Variants in SLC12A7 observed in about 807,000 individuals in gnomAD.
SLC12A7 encodes the protein K-Cl cotransporter 4.
A neutral mutation model predicts 120.6 loss-of-function variants in SLC12A7; 100 were observed. That is an observed-to-expected ratio of 0.83 (90% CI 0.71 to 0.98). SLC12A7 has a LOEUF of 0.98. Ranked by LOEUF, SLC12A7 falls within the 50% of genes least tolerant of loss-of-function variation. The pLI, the probability that SLC12A7 is intolerant of heterozygous loss-of-function variation, is 0.00. For missense variants in SLC12A7, 1,373 were observed against 1,548.1 expected (o/e 0.89, Z 1.90); for synonymous variants, 760 against 678.0 (o/e 1.12, Z -1.88).
At chr5:1,078,808 GTAC>G in intron 10 of SLC12A7, 50 bp from the exon 11 acceptor site, 1 of 779,666 alleles carries the variant, frequency 1.3e-6, no homozygotes, top group Non-Finnish European at 2.2e-6. Context: ...GGGTCCTCAG[GTAC>G]GGGGGGTGGG....
At chr5:1,107,278 C>T (rs1422482240) in intron 1 of SLC12A7, among the ~76,000 whole-genome samples, 1 of 152,366 alleles carries the variant, frequency 6.6e-6, no homozygotes, top group African/African-American at 2.4e-5. Context: ...ATAAACCTCT[C>T]AAGTGATTGA....
chr5:1,077,125 C>T (rs987202592), intron 12 of SLC12A7, among the ~76,000 whole-genome samples: 3 of 149,816 alleles, frequency 2.0e-5, no homozygotes, highest in African/African-American at 7.4e-5. Context: ...TCGCGGTTCC[C>T]CAGACCCTGT....
intron 20 of SLC12A7, chr5:1,063,101 G>T: frequency 6.6e-6 from 1 of 152,566 alleles, no homozygotes; most frequent in Non-Finnish European, 1.5e-5. Flanking sequence ...CATGCTTGGG[G>T]GCCGGGGGCA....
chr5:1,063,952 A>T lies in SLC12A7; in HGVS notation c.2631T>A (p.Arg877=), dbSNP rs371776351. 4 of 1,612,444 alleles carry T rather than the reference A, an allele frequency of 2.5e-6. No individual in the cohort carries two copies. The highest frequency in any genetic ancestry group is 1.6e-4 in the Middle Eastern group (1 of 6,082). The change falls in exon 20 of 24, where the codon CGT becomes CGA. Residue 877 remains arginine (R), a synonymous_variant. Transcript: ENST00000264930. ...CGTCCACCTGGGCCACGGTGAAGAT[A>T]CGCATCCGGCACTTCCTCCACACCT... ...QHKVWRKCRM[R]IFTVAQVDDN... is the part of the protein sequence containing the mutation.
chr5:1,103,710 C>G (rs1742227060), intron 1 of SLC12A7, among the ~76,000 whole-genome samples: 1 of 152,262 alleles, frequency 6.6e-6, no homozygotes, highest in African/African-American at 2.4e-5. Context: ...CCAGGGGCTA[C>G]AGCCCCCAGA....
chr5:1,135,731 G>T, the SLC12A7 span, among the ~76,000 whole-genome samples: 3 of 152,246 alleles, frequency 2.0e-5, no homozygotes, highest in Admixed American at 6.5e-5. Context: ...CCCATTCAGG[G>T]TTTACTGAAG....
intron 15 of SLC12A7, 34 bp from the exon 16 acceptor site, chr5:1,074,705 C>T (rs375067797): frequency 2.4e-5 from 38 of 1,595,716 alleles, no homozygotes; most frequent in Non-Finnish European, 3.0e-5. Flanking sequence ...TGTCCAGCCG[C>T]GTACCTGGAG....
upstream of SLC12A7, among the ~76,000 whole-genome samples, chr5:1,116,244 T>C (rs570234446): frequency 1.3e-5 from 2 of 152,298 alleles, no homozygotes; most frequent in South Asian, 4.1e-4. Context: ...AATGCCAGGC[T>C]CTTCCCAGGC....
intron 1 of SLC12A7, 48 bp downstream of exon 1, chr5:1,111,820 G>A (rs1743032924): frequency 1.7e-6 from 2 of 1,193,656 alleles, no homozygotes; most frequent in Non-Finnish European, 1.0e-6. Context: ...GCCCAGACCC[G>A]CGCTCGGGGC....
At chr5:1,089,432 CAA>C (rs766312494) in intron 3 of SLC12A7, among the ~76,000 whole-genome samples, 50 of 152,256 alleles carry the variant, frequency 3.3e-4, no homozygotes, top group Non-Finnish European at 5.3e-4. Context: ...ATGGAAAAAA[CAA>C]GAGGGAGAAC....
intron 8 of SLC12A7, among the ~76,000 whole-genome samples, chr5:1,082,366 C>T (rs1739267008): frequency 7.2e-6 from 1 of 139,578 alleles, no homozygotes; most frequent in South Asian, 2.3e-4. Context: ...AAAGTCCAGG[C>T]TTCCCGTCTC....
the SLC12A7 span, among the ~76,000 whole-genome samples, chr5:1,128,194 C>T: frequency 6.6e-6 from 1 of 152,216 alleles, no homozygotes; most frequent in African/African-American, 2.4e-5. Context: ...TTCCCCTGCA[C>T]CTGTGGTCTC....
At chr5:1,088,787 G>C (rs544571345) in intron 4 of SLC12A7, among the ~76,000 whole-genome samples, 195 bp downstream of exon 4, 1 of 152,214 alleles carries the variant, frequency 6.6e-6, no homozygotes, top group East Asian at 1.9e-4. Context: ...TCTCATCCCC[G>C]CAGCTGCCCG....
chr5:1,068,296 G>A (rs944711186), intron 17 of SLC12A7, among the ~76,000 whole-genome samples: 21 of 152,184 alleles, frequency 1.4e-4, no homozygotes, highest in East Asian at 1.3e-3. Context: ...TGAGCCGGGC[G>A]TGGTGGTGGG....
Position 1,051,547 on chromosome 5 carries a change from AAAG to A in SLC12A7, c.*810_*812del, listed in dbSNP as rs1259398441. On this transcript the variant is annotated 3_prime_UTR_variant, in exon 24 of 24. Coordinates refer to ENST00000264930, the MANE Select transcript of SLC12A7 (RefSeq NM_006598.3). ...GGCTGGGCCCTGTCAGTGCTTATGA[AAAG>A]AAGTGGCTGGTTTTCTAAAGGTGGA... 2.0e-5 allele frequency: 3 copies of A among 152,332 alleles called. No homozygotes were observed. The highest frequency in any genetic ancestry group is 4.4e-5 in the Non-Finnish European group (3 of 68,116). 9.4% of individuals were successfully genotyped at this position (152,332 alleles called of 1,614,324 possible). A position where few individuals can be genotyped will look rare whatever the true frequency, so the allele number is the denominator to read the frequency against.
chr5:1,074,134 G>C (rs1459047190), intron 16 of SLC12A7, among the ~76,000 whole-genome samples: 1 of 152,160 alleles, frequency 6.6e-6, no homozygotes, highest in Non-Finnish European at 1.5e-5. Context: ...GTGAGACAAT[G>C]GCCCAGGACA....
the SLC12A7 span, among the ~76,000 whole-genome samples, chr5:1,117,367 T>C: frequency 1.3e-5 from 2 of 152,228 alleles, no homozygotes; most frequent in African/African-American, 4.8e-5. The surrounding 1 kb of genome is among the most constrained non-coding windows in gnomAD (Gnocchi z 4.5). Context: ...CTCCAAGCTG[T>C]CCTTGTTCCT....
intron 5 of SLC12A7, among the ~76,000 whole-genome samples, chr5:1,088,010 T>C (rs1579398112): frequency 1.3e-5 from 2 of 152,328 alleles, no homozygotes; most frequent in South Asian, 4.1e-4. Flanking sequence ...CACGCTGGGC[T>C]ACAGGAGCCA....
chr5:1,055,108 GCA>G (rs1341336704), intron 22 of SLC12A7, among the ~76,000 whole-genome samples: 1 of 152,034 alleles, frequency 6.6e-6, no homozygotes, highest in Non-Finnish European at 1.5e-5. Context: ...GCAGACACAG[GCA>G]CAGACACGCA....
Sources: gnomAD v4.1 joint callset for allele counts (sites outside exome capture counted in the v4.1 genomes callset) on GRCh38, gnomAD v4.1.1 for gene constraint, Gnocchi (gnomAD v3.1) non-coding constraint, MANE v1.5 for transcripts, NCBI Gene and HGNC (gene_info 2026-07-23, HGNC 2026-07-21) for gene names.